Variants in WDR17 observed in about 807,000 individuals in gnomAD.
WDR17 encodes the protein WD repeat domain 17.
A neutral mutation model predicts 161.7 loss-of-function variants in WDR17; 143 were observed. That is an observed-to-expected ratio of 0.88 (90% confidence interval 0.77 to 1.02). The LOEUF (loss-of-function observed/expected upper bound fraction) is 1.02, where lower values mean the gene tolerates loss of function less well. WDR17 is among the 50% of genes least tolerant of loss of function. The probability of loss-of-function intolerance (pLI) is 0.00; values close to 1 mark genes in which losing one functional copy is unlikely to be tolerated. For missense variants in WDR17, 1,469 were observed against 1,520.9 expected (o/e 0.97, Z 0.57); for synonymous variants, 517 against 515.6 (o/e 1.00, Z -0.04).
chr4:176,134,054 C>T (rs148748220), intron 7 of WDR17, among the ~76,000 whole-genome samples: 11 of 151,846 alleles, frequency 7.2e-5, no homozygotes, highest in African/African-American at 2.2e-4. Context: ...GAAATGACCA[C>T]ATAGGACAGC....
At chr4:176,070,496 CT>C (rs1397913835) in intron 1 of WDR17, among the ~76,000 whole-genome samples, 1 of 151,718 alleles carries the variant, frequency 6.6e-6, no homozygotes, top group South Asian at 2.1e-4. Context: ...TATGTAGATC[CT>C]TTTTTCCCTT....
At chr4:176,089,873 C>T (rs1248530301) in intron 1 of WDR17, among the ~76,000 whole-genome samples, 1 of 152,040 alleles carries the variant, frequency 6.6e-6, no homozygotes, top group Non-Finnish European at 1.5e-5. Context: ...TCCTCAGAGA[C>T]AAATGAGGTT....
At chr4:176,082,944 TA>T (rs1734945130) in intron 1 of WDR17, among the ~76,000 whole-genome samples, 1 of 152,156 alleles carries the variant, frequency 6.6e-6, no homozygotes, top group Non-Finnish European at 1.5e-5. Context: ...GCCACTTTCA[TA>T]AAAGAGTAAA....
chr4:176,146,911 G>GGCTGGAGTGCAGTGGCATGATCTCA (rs1427038981), intron 12 of WDR17, among the ~76,000 whole-genome samples: 72 of 151,988 alleles, frequency 4.7e-4, no homozygotes, highest in Non-Finnish European at 7.4e-5. Context: ...TGTGTCGCCA[G>GGCTGGAGTGCAGTGGCATGATCTCA]GCTGGAGTGC....
intron 1 of WDR17, among the ~76,000 whole-genome samples, chr4:176,074,810 CTTTTTT>C (rs386357678): frequency 3.8e-4 from 30 of 79,200 alleles, no homozygotes; most frequent in Non-Finnish European, 6.2e-4. Flanking sequence ...TTTTTTAATG[CTTTTTT>C]TTTTTTTTTT....
At chr4:176,136,212 G>T (rs1027247682) in intron 8 of WDR17, among the ~76,000 whole-genome samples, 2 of 151,524 alleles carry the variant, frequency 1.3e-5, no homozygotes, top group African/African-American at 4.8e-5. Flanking sequence ...TACAGAAAAA[G>T]GTTTTACTTA....
intron 1 of WDR17, 155 bp from the exon 2 acceptor site, chr4:176,111,420 A>G (rs1408421287): frequency 1.5e-5 from 10 of 662,588 alleles, no homozygotes; most frequent in Non-Finnish European, 2.0e-5. Flanking sequence ...AGGGAGTTCA[A>G]CTGCTGTTCT....
chr4:176,180,295 G>A lies in WDR17; in HGVS notation c.*716G>A. 1 of 151,210 alleles carries A rather than the reference G, an allele frequency of 6.6e-6. No individual in the cohort carries two copies. Among genetic ancestry groups the A allele is most frequent in the Non-Finnish European group, 1.5e-5 (1 of 67,782 alleles). 9.4% of individuals were successfully genotyped at this position (151,210 alleles called of 1,614,324 possible). ...CAGTCGAATATATATATGAAAACTT[G>A]CATTAGGTGATAAAGTGACTATTTT... On this transcript the variant is annotated 3_prime_UTR_variant, in exon 29 of 29. Coordinates refer to ENST00000508596, the MANE Select transcript of WDR17 (RefSeq NM_181265.4).
intron 1 of WDR17, among the ~76,000 whole-genome samples, chr4:176,069,790 G>C (rs959082702): frequency 6.6e-6 from 1 of 151,826 alleles, no homozygotes; most frequent in African/African-American, 2.4e-5. Flanking sequence ...ATTACACAAA[G>C]CACTCGTGTT....
intron 22 of WDR17, among the ~76,000 whole-genome samples, chr4:176,167,022 A>G (rs372753843): frequency 2.0e-5 from 3 of 152,232 alleles, no homozygotes; most frequent in South Asian, 2.1e-4. Context: ...ACATTAAAGT[A>G]AGCCTAATTG....
At chr4:176,108,939 G>A (rs1237354245) in intron 1 of WDR17, among the ~76,000 whole-genome samples, 6 of 151,956 alleles carry the variant, frequency 3.9e-5, no homozygotes, top group Admixed American at 6.6e-5. Context: ...ACAGGCACGC[G>A]CCACCACCCC....
intron 1 of WDR17, chr4:176,068,264 A>G (rs960516906): frequency 6.6e-6 from 1 of 152,204 alleles, no homozygotes; most frequent in East Asian, 1.9e-4. Context: ...GTACGTCTTC[A>G]GGAACAGAGA....
chr4:176,096,398 A>G (rs1388651758), intron 1 of WDR17: 1 of 666,944 alleles, frequency 1.5e-6, no homozygotes, highest in African/African-American at 1.9e-5. Flanking sequence ...TTTGTACTGA[A>G]CATCATTTCA....
chr4:176,126,232 A>C (rs1742426258), intron 5 of WDR17, among the ~76,000 whole-genome samples: 1 of 152,184 alleles, frequency 6.6e-6, no homozygotes, highest in South Asian at 2.1e-4. Flanking sequence ...TTCCTAGTCA[A>C]GAGGTCATGA....
At chr4:176,131,762 T>C (rs1304727568) in intron 7 of WDR17, 24 bp downstream of exon 7, 1 of 1,517,548 alleles carries the variant, frequency 6.6e-7, no homozygotes, top group Non-Finnish European at 8.8e-7. Context: ...CATTCCTTTA[T>C]TATACATAAT....
intron 6 of WDR17, among the ~76,000 whole-genome samples, chr4:176,129,079 CTAAG>C (rs1247305632): frequency 2.0e-5 from 3 of 151,940 alleles, no homozygotes; most frequent in Admixed American, 6.5e-5. Context: ...TTTAATGCTA[CTAAG>C]TAAGAATATT....
intron 23 of WDR17, 29 bp downstream of exon 23, chr4:176,168,812 T>G (rs1750268793): frequency 6.3e-7 from 1 of 1,599,524 alleles, no homozygotes; most frequent in Non-Finnish European, 8.5e-7. Flanking sequence ...ATATTCTGGT[T>G]TGGAATGCAG....
chr4:176,133,270 AAAAAG>A (rs1164344861), intron 7 of WDR17, among the ~76,000 whole-genome samples: 2 of 130,648 alleles, frequency 1.5e-5, no homozygotes, highest in African/African-American at 5.8e-5. Context: ...AAAAAAAAAA[AAAAAG>A]AAGAAGAAGA....
At chr4:176,173,862 G>C (rs534967634) in intron 25 of WDR17, among the ~76,000 whole-genome samples, 1 of 151,222 alleles carries the variant, frequency 6.6e-6, no homozygotes, top group Non-Finnish European at 1.5e-5. Flanking sequence ...ACTTGAAACA[G>C]AGTATTAAAT....
Sources: gnomAD v4.1 joint callset for allele counts (sites outside exome capture counted in the v4.1 genomes callset) on GRCh38, gnomAD v4.1.1 for gene constraint, MANE v1.5 for transcripts, NCBI Gene and HGNC (gene_info 2026-07-23, HGNC 2026-07-21) for gene names.